Variants in ST3GAL3 observed in about 807,000 individuals in gnomAD.
ST3GAL3 encodes the protein CMP-N-acetylneuraminate-beta-1,4-galactoside alpha-2,3-sialyltransferase.
Under a neutral mutation model 50.1 loss-of-function variants are expected in ST3GAL3, and 21 were observed. The observed-to-expected ratio is 0.42, with a 90% CI of 0.30 to 0.60. The LOEUF (loss-of-function observed/expected upper bound fraction) is 0.60, where lower values mean the gene tolerates loss of function less well. Ranked by LOEUF, ST3GAL3 falls within the 20% of genes least tolerant of loss-of-function variation. The pLI is 0.19. For missense variants in ST3GAL3, 353 were observed against 489.4 expected, an observed-to-expected ratio of 0.72 and a Z score of 2.63; for synonymous variants, 183 against 190.0, an observed-to-expected ratio of 0.96 and a Z score of 0.30.
chr1:43,861,002 G>A (rs2069785011), intron 5 of ST3GAL3, among the ~76,000 whole-genome samples: 1 of 152,222 alleles, frequency 6.6e-6, no homozygotes, highest in Admixed American at 6.5e-5. Context: ...CCTCACCGCT[G>A]TTTCACCGAT....
chr1:43,710,402 T>A (rs955889149), intron 1 of ST3GAL3, among the ~76,000 whole-genome samples: 20 of 152,182 alleles, frequency 1.3e-4, no homozygotes, highest in African/African-American at 4.6e-4. Context: ...TTCTTTTCAC[T>A]CCTACTGTCA....
intron 5 of ST3GAL3, among the ~76,000 whole-genome samples, chr1:43,882,239 C>G (rs2075267964): frequency 6.6e-6 from 1 of 152,066 alleles, no homozygotes; most frequent in South Asian, 2.1e-4. Context: ...AGACGAGAAC[C>G]CCAGGCAGAG....
At chr1:43,881,588 A>G (rs2075139581) in intron 5 of ST3GAL3, among the ~76,000 whole-genome samples, 1 of 152,138 alleles carries the variant, frequency 6.6e-6, no homozygotes, top group Non-Finnish European at 1.5e-5. Flanking sequence ...CTGTCAGCAG[A>G]GTCAGTGGGA....
At chr1:43,734,110 C>G (rs868352055) in intron 1 of ST3GAL3, among the ~76,000 whole-genome samples, 4 of 151,246 alleles carry the variant, frequency 2.6e-5, no homozygotes, top group African/African-American at 9.7e-5. Context: ...AACTCCATCT[C>G]GGGGGGTAAA....
At chr1:43,801,997 G>C (rs9726489) in intron 3 of ST3GAL3, among the ~76,000 whole-genome samples, 136,976 of 151,872 alleles carry the variant, frequency 0.9, 61,995 homozygotes, top group African/African-American at 0.96. Context: ...GAGACCCTGT[G>C]TCAAACAAAC....
intron 2 of ST3GAL3, among the ~76,000 whole-genome samples, chr1:43,783,307 C>T (rs889641100): frequency 6.6e-5 from 10 of 152,194 alleles, no homozygotes; most frequent in Non-Finnish European, 2.9e-5. Context: ...TCCCAGTGCT[C>T]AGCCCTGGCT....
At chr1:43,775,990 C>T (rs1251084376) in intron 2 of ST3GAL3, among the ~76,000 whole-genome samples, 4 of 152,110 alleles carry the variant, frequency 2.6e-5, no homozygotes, top group Non-Finnish European at 5.9e-5. Context: ...AGGTGACCTG[C>T]CTTCTATTCC....
At chr1:43,751,997 A>G (rs185192513) in intron 2 of ST3GAL3, among the ~76,000 whole-genome samples, 2 of 151,938 alleles carry the variant, frequency 1.3e-5, no homozygotes, top group African/African-American at 4.8e-5. Context: ...TTGTCTTTTT[A>G]ATAGAGGCAG....
chr1:43,805,552 A>G (rs1041730055), intron 3 of ST3GAL3, among the ~76,000 whole-genome samples: 8 of 152,232 alleles, frequency 5.3e-5, no homozygotes, highest in African/African-American at 1.9e-4. Flanking sequence ...CATTCCTTCC[A>G]CATGCCAAGC....
intron 3 of ST3GAL3, among the ~76,000 whole-genome samples, chr1:43,799,286 ATTAAG>A (rs1159332952): frequency 6.6e-6 from 1 of 152,236 alleles, no homozygotes; most frequent in Non-Finnish European, 1.5e-5. Flanking sequence ...CTGGGAAAAA[ATTAAG>A]TTATTTTTGT....
chr1:43,708,376 A>C (rs1322861209), intron 1 of ST3GAL3, among the ~76,000 whole-genome samples: 3 of 152,196 alleles, frequency 2.0e-5, no homozygotes, highest in Admixed American at 6.5e-5. Flanking sequence ...CTGATAACTG[A>C]ATGTAATTAA....
intron 5 of ST3GAL3, among the ~76,000 whole-genome samples, chr1:43,854,012 T>C (rs1459275042): frequency 1.3e-5 from 2 of 152,148 alleles, no homozygotes; most frequent in Admixed American, 6.5e-5. Context: ...CTCTCTGCCC[T>C]TCCAGAAAAA....
intron 1 of ST3GAL3, among the ~76,000 whole-genome samples, chr1:43,726,780 T>C (rs1673121141): frequency 6.6e-6 from 1 of 151,288 alleles, no homozygotes; most frequent in Non-Finnish European, 1.5e-5. Context: ...TTTTTAGTAA[T>C]ATGGGGTTTC....
intron 2 of ST3GAL3, among the ~76,000 whole-genome samples, chr1:43,748,556 G>T (rs1439597255): frequency 1.3e-5 from 2 of 150,126 alleles, no homozygotes; most frequent in South Asian, 2.1e-4. Context: ...AGCCTCCTAA[G>T]TATCTGGGAT....
At chr1:43,898,411 A>C in intron 7 of ST3GAL3, 113 bp downstream of exon 7, 1 of 1,040,128 alleles carries the variant, frequency 9.6e-7, no homozygotes, top group South Asian at 1.3e-5. Context: ...ACATCCACAC[A>C]TGCACATACA....
At chr1:43,736,203 CTT>C in intron 1 of ST3GAL3, 28 bp from the exon 2 acceptor site, 2 of 1,593,100 alleles carry the variant, frequency 1.3e-6, no homozygotes, top group South Asian at 2.2e-5. Flanking sequence ...AGTGCTTTGT[CTT>C]TTAAGAACTA....
chr1:43,775,674 G>A (rs1270098757), intron 2 of ST3GAL3, among the ~76,000 whole-genome samples: 1 of 152,050 alleles, frequency 6.6e-6, no homozygotes, highest in African/African-American at 2.4e-5. Context: ...CAAAAATATA[G>A]TTATGCAGGA....
At chr1:43,759,065 GCACACACACACACACACACACACA>G (rs1553285693) in intron 2 of ST3GAL3, among the ~76,000 whole-genome samples, 2 of 75,452 alleles carry the variant, frequency 2.7e-5, no homozygotes, top group East Asian at 3.3e-4. Flanking sequence ...AAAAGCGCGC[GCACACACACACACACACACACACA>G]CACACACACA....
intron 2 of ST3GAL3, among the ~76,000 whole-genome samples, chr1:43,790,236 T>G (rs566033452): frequency 6.9e-4 from 105 of 152,250 alleles, no homozygotes; most frequent in African/African-American, 2.4e-3. Context: ...TAAAGCAGAT[T>G]TGGTGTCTGC....
Sources: allele counts gnomAD v4.1 joint callset (sites outside exome capture counted in the v4.1 genomes callset), GRCh38; gene constraint gnomAD v4.1.1; transcripts MANE v1.5; gene names NCBI Gene and HGNC (gene_info 2026-07-23, HGNC 2026-07-21).